MICAL3: variants seen among roughly 807,000 people sequenced by gnomAD.
MICAL3 encodes microtubule associated monooxygenase, calponin and LIM domain containing 3.
Under a neutral mutation model 207.4 loss-of-function variants are expected in MICAL3, and 62 were observed. The observed-to-expected ratio is 0.30, with a 90% confidence interval of 0.24 to 0.37. The LOEUF is 0.37. Ranked by LOEUF, MICAL3 falls within the 10% of genes least tolerant of loss-of-function variation. The pLI is 1.00. For missense variants in MICAL3, 2,368 were observed against 2,635.6 expected, an observed-to-expected ratio of 0.90 and a Z score of 2.22; for synonymous variants, 1,077 against 1,069.3, an observed-to-expected ratio of 1.01 and a Z score of -0.14.
rs186383224 is a variant in MICAL3 at position 17,789,543 on chromosome 22, C to G, written c.*1189G>C. ...TCATCACATGAGTGGTCCAGATGGTCTAGCGCCAGGGTGAGGCAGGCACCG... is the reference window on the plus strand; with the variant it reads ...TCATCACATGAGTGGTCCAGATGGTGTAGCGCCAGGGTGAGGCAGGCACCG... On this transcript the variant is annotated 3_prime_UTR_variant, in exon 32 of 32. Coordinates refer to ENST00000441493, the MANE Select transcript of MICAL3 (RefSeq NM_015241.3). The G allele has an allele frequency of 2.0e-3, 298 of 152,472 alleles. 2 individuals carry two copies. The highest frequency in any genetic ancestry group is 0.018 in the Admixed American group (268 of 15,304). The allele number at this position is 152,472 out of a possible 1,614,324, so 9.4% of individuals were successfully genotyped here.
intron 20 of MICAL3, among the ~76,000 whole-genome samples, chr22:17,839,355 C>A (rs142638126): frequency 0.024 from 3,551 of 149,650 alleles, 49 homozygotes; most frequent in Admixed American, 0.052. Context: ...CTCCTGGGTT[C>A]AAGCGATTCT....
intron 1 of MICAL3, among the ~76,000 whole-genome samples, chr22:17,997,614 G>A (rs1297323816): frequency 2.6e-5 from 4 of 152,100 alleles, no homozygotes; most frequent in African/African-American, 4.8e-5. Context: ...CCTAAGGCCC[G>A]TTAGCACACG....
chr22:17,824,615 C>A (rs11704224), intron 22 of MICAL3, among the ~76,000 whole-genome samples: 12,596 of 152,248 alleles, frequency 0.083, 595 homozygotes, highest in African/African-American at 0.14. Context: ...AGGGAACAGA[C>A]GGCCCACGTC....
At chr22:17,812,615 CAA>C in intron 27 of MICAL3, 1 of 834,422 alleles carries the variant, frequency 1.2e-6, no homozygotes, top group Non-Finnish European at 1.4e-6. Context: ...TAATGATTAA[CAA>C]ATTAAAAATT....
intron 16 of MICAL3, among the ~76,000 whole-genome samples, chr22:17,877,535 G>A (rs1297673694): frequency 9.2e-5 from 13 of 140,988 alleles, no homozygotes; most frequent in East Asian, 6.2e-4. Flanking sequence ...AGGTGAGGGA[G>A]GTTATGGAGG....
chr22:17,949,844 C>G (rs952657648), intron 1 of MICAL3, among the ~76,000 whole-genome samples: 1 of 152,214 alleles, frequency 6.6e-6, no homozygotes, highest in African/African-American at 2.4e-5. Context: ...TGTGTGCACA[C>G]AAAGCAACTG....
intron 1 of MICAL3, among the ~76,000 whole-genome samples, chr22:18,023,451 T>C (rs1210164174): frequency 6.6e-6 from 1 of 152,084 alleles, no homozygotes; most frequent in Non-Finnish European, 1.5e-5. Context: ...CAATGAAAAT[T>C]CTAAATAGTT....
intron 16 of MICAL3, among the ~76,000 whole-genome samples, chr22:17,874,675 G>A (rs1928087489): frequency 6.6e-6 from 1 of 152,206 alleles, no homozygotes; most frequent in Non-Finnish European, 1.5e-5. Flanking sequence ...ATAAAAAATA[G>A]CAGAAATGTG....
chr22:17,917,499 A>G (rs1932605196), intron 1 of MICAL3, among the ~76,000 whole-genome samples: 1 of 152,140 alleles, frequency 6.6e-6, no homozygotes, highest in Non-Finnish European at 1.5e-5. Context: ...ATCCTCATTG[A>G]GACACCACCA....
chr22:17,897,128 C>T (rs1030603576), intron 7 of MICAL3, 147 bp from the exon 8 acceptor site: 26 of 838,522 alleles, frequency 3.1e-5, no homozygotes, highest in Admixed American at 1.6e-4. Context: ...TTAAAATGGG[C>T]GGGGGGAAAG....
intron 23 of MICAL3, 104 bp downstream of exon 23, chr22:17,822,843 A>T: frequency 3.0e-6 from 2 of 663,898 alleles, no homozygotes; most frequent in Non-Finnish European, 5.2e-6. Context: ...AGAAGGAACC[A>T]GGAGGCCCAA....
chr22:17,927,946 G>A (rs773856069), intron 1 of MICAL3, among the ~76,000 whole-genome samples: 1 of 152,078 alleles, frequency 6.6e-6, no homozygotes, highest in East Asian at 1.9e-4. Flanking sequence ...ATTTAGCAGC[G>A]CCAGAACCAC....
At chr22:17,791,373 C>T in intron 29 of MICAL3, 72 bp from the exon 30 acceptor site, 1 of 1,296,560 alleles carries the variant, frequency 7.7e-7, no homozygotes, top group Non-Finnish European at 1.1e-6. Context: ...TCACACGGGG[C>T]AAATGTGCAA....
At chr22:17,888,970 G>C in intron 13 of MICAL3, 64 bp downstream of exon 13, 1 of 1,201,080 alleles carries the variant, frequency 8.3e-7, no homozygotes, top group Non-Finnish European at 1.2e-6. Flanking sequence ...TCGGAAGGAA[G>C]GAAGAACAGC....
intron 16 of MICAL3, among the ~76,000 whole-genome samples, chr22:17,874,797 A>C (rs747287507): frequency 6.6e-6 from 1 of 152,022 alleles, no homozygotes; most frequent in Non-Finnish European, 1.5e-5. Context: ...GAGACCTTCC[A>C]ATCTCTCTAG....
intron 27 of MICAL3, 92 bp downstream of exon 27, chr22:17,816,598 C>A (rs141212474): frequency 4.0e-6 from 4 of 1,004,596 alleles, no homozygotes; most frequent in Admixed American, 4.1e-5. Context: ...CCCTGGCTTG[C>A]GGTTTGCTCT....
intron 1 of MICAL3, among the ~76,000 whole-genome samples, chr22:17,949,061 T>A (rs1297268732): frequency 7.2e-6 from 1 of 139,832 alleles, no homozygotes; most frequent in East Asian, 2.2e-4. Flanking sequence ...AATACAAAAA[T>A]TAGCCATACA....
At chr22:17,837,139 G>A (rs564678370) in intron 20 of MICAL3, among the ~76,000 whole-genome samples, 2 of 152,338 alleles carry the variant, frequency 1.3e-5, no homozygotes, top group Non-Finnish European at 1.5e-5. Flanking sequence ...GGCTTTACAC[G>A]GTGGAAATGT....
chr22:17,857,560 C>T (rs1281143182), intron 19 of MICAL3, among the ~76,000 whole-genome samples: 1 of 152,208 alleles, frequency 6.6e-6, no homozygotes, highest in African/African-American at 2.4e-5. Flanking sequence ...AAATCAGTCA[C>T]TTAACAGTCA....
Sources: allele counts gnomAD v4.1 joint callset (sites outside exome capture counted in the v4.1 genomes callset), GRCh38; gene constraint gnomAD v4.1.1; transcripts MANE v1.5; gene names NCBI Gene and HGNC (gene_info 2026-07-23, HGNC 2026-07-21).